Variants in CCDC60 observed in about 807,000 individuals in gnomAD.
CCDC60 encodes coiled-coil domain-containing protein 60.
A neutral mutation model predicts 63.5 loss-of-function variants in CCDC60; 54 were observed. That is an observed-to-expected ratio of 0.85 (90% CI 0.68 to 1.07). The LOEUF (loss-of-function observed/expected upper bound fraction) is 1.07. Among genes scored for constraint, CCDC60 ranks in the 50% least tolerant of loss-of-function variants. CCDC60 has a pLI of 0.00. For missense variants in CCDC60, 651 were observed against 684.3 expected (o/e 0.95, Z 0.54); for synonymous variants, 206 against 238.8 (o/e 0.86, Z 1.27).
intron 1 of CCDC60, among the ~76,000 whole-genome samples, chr12:119,374,945 T>G (rs1385405453): frequency 6.6e-6 from 1 of 152,174 alleles, no homozygotes; most frequent in Non-Finnish European, 1.5e-5. Context: ...TTACTGTCAT[T>G]GCCATCTTGG....
intron 2 of CCDC60, among the ~76,000 whole-genome samples, chr12:119,471,263 T>C (rs708875): frequency 0.89 from 135,529 of 152,250 alleles, 60,715 homozygotes; most frequent in East Asian, 1. Flanking sequence ...ACATATGTTA[T>C]TTGACACAGC....
chr12:119,442,642 A>T (rs959917117), intron 2 of CCDC60, among the ~76,000 whole-genome samples: 2 of 152,254 alleles, frequency 1.3e-5, no homozygotes, highest in Admixed American at 6.5e-5. Context: ...CGAAAATAAC[A>T]TTATTATATC....
At chr12:119,524,553 C>A in intron 11 of CCDC60, 2 of 562,138 alleles carry the variant, frequency 3.6e-6, no homozygotes, top group Non-Finnish European at 2.3e-6. Context: ...CTTCTGGGAG[C>A]TAACAGTCCA....
intron 2 of CCDC60, among the ~76,000 whole-genome samples, chr12:119,432,673 C>T (rs1331220049): frequency 6.6e-6 from 1 of 152,120 alleles, no homozygotes; most frequent in Admixed American, 6.5e-5. Flanking sequence ...CTAAGGAGGG[C>T]GACAAAGCAG....
chr12:119,380,442 T>C (rs890865244), intron 1 of CCDC60, among the ~76,000 whole-genome samples: 1 of 152,200 alleles, frequency 6.6e-6, no homozygotes, highest in African/African-American at 2.4e-5. Context: ...GGGAAATGAA[T>C]ATCAAGAAAG....
At chr12:119,483,434 A>C (rs970210991) in intron 4 of CCDC60, among the ~76,000 whole-genome samples, 3 of 152,204 alleles carry the variant, frequency 2.0e-5, no homozygotes, top group Non-Finnish European at 4.4e-5. Flanking sequence ...TATCTTTAAA[A>C]AGGGAAGGGA....
At chr12:119,411,262 AT>A in intron 1 of CCDC60, among the ~76,000 whole-genome samples, 1 of 152,274 alleles carries the variant, frequency 6.6e-6, no homozygotes, top group Non-Finnish European at 1.5e-5. Flanking sequence ...TCTGTAAGAC[AT>A]TTTTCCCCCA....
At chr12:119,352,503 G>C (rs1955666321) in intron 1 of CCDC60, among the ~76,000 whole-genome samples, 1 of 152,190 alleles carries the variant, frequency 6.6e-6, no homozygotes, top group East Asian at 1.9e-4. Flanking sequence ...ATAAGATGTT[G>C]CACTGCTAAT....
intron 1 of CCDC60, among the ~76,000 whole-genome samples, chr12:119,412,399 T>G (rs1050206987): frequency 2.0e-5 from 3 of 152,204 alleles, no homozygotes; most frequent in African/African-American, 7.2e-5. Context: ...AGAAAACGGA[T>G]GGAAGCCACT....
Position 119,457,697 on chromosome 12 carries a change from A to T in CCDC60, c.171-14297A>T, listed in dbSNP as rs567522964. On this transcript the variant is annotated intron_variant, in intron 2 of 13. Transcript: ENST00000327554. Reference sequence around the variant, plus strand: ...AGCTTTAATTTGCATGCTGACAAAGATATTAACTTGGTGGTTGGCGGGGGG... The same window carrying T: ...AGCTTTAATTTGCATGCTGACAAAGTTATTAACTTGGTGGTTGGCGGGGGG... Among the ~76,000 whole-genome samples, 3 of 150,866 alleles carry T rather than the reference A, an allele frequency of 2.0e-5. No individual in the cohort carries two copies. The East Asian group carries it at 6.0e-4, about 30-fold the overall frequency.
In CCDC60 at chr12:119,386,383, G is replaced by T. The variant is rs1470775693; in HGVS notation, c.91-42300G>T. The stretch of plus-strand genomic sequence containing the variant: ...ATACCCTTAGAGAAGCATCATTTTT[G>T]ATTTCTGAAAACCAATATTTTTCCT... On this transcript the variant is annotated intron_variant, in intron 1 of 13. Coordinates refer to ENST00000327554, the MANE Select transcript of CCDC60 (RefSeq NM_178499.5). Among the ~76,000 whole-genome samples the T allele has an allele frequency of 7.2e-5, 11 of 152,044 alleles. No homozygotes were observed. In the East Asian group the frequency reaches 1.4e-3, roughly 19 times the overall value.
chr12:119,471,069 A>G lies in CCDC60; in HGVS notation c.171-925A>G, dbSNP rs376312950. On this transcript the variant is annotated intron_variant, in intron 2 of 13. Transcript: ENST00000327554. ...TGGGCAGACAGAAAGAAACATGTAG[A>G]CACCTCTGCATCACTCCTTCTCCAC... Among the ~76,000 whole-genome samples, 21 of 152,318 alleles carry G rather than the reference A, an allele frequency of 1.4e-4. No homozygotes were observed. In the South Asian group the frequency reaches 4.1e-3, roughly 30 times the overall value.
intron 13 of CCDC60, among the ~76,000 whole-genome samples, chr12:119,535,460 T>C (rs1952974737): frequency 1.3e-5 from 2 of 152,220 alleles, no homozygotes; most frequent in African/African-American, 4.8e-5. Context: ...CTGCTAGTTT[T>C]GAATTTGTTT....
intron 4 of CCDC60, among the ~76,000 whole-genome samples, chr12:119,484,634 G>C (rs1045565902): frequency 6.6e-6 from 1 of 151,998 alleles, no homozygotes; most frequent in Non-Finnish European, 1.5e-5. Context: ...GATCGCTTGT[G>C]CCCAGGAGGC....
At chr12:119,533,107 A>G (rs953143407) in intron 13 of CCDC60, among the ~76,000 whole-genome samples, 2 of 152,168 alleles carry the variant, frequency 1.3e-5, no homozygotes, top group African/African-American at 4.8e-5. Flanking sequence ...AATGATCGTC[A>G]TTCTAACTGG....
intron 1 of CCDC60, among the ~76,000 whole-genome samples, chr12:119,385,292 G>A (rs1956048966): frequency 6.6e-6 from 1 of 152,172 alleles, no homozygotes; most frequent in South Asian, 2.1e-4. Context: ...AGAAAGCACT[G>A]CTGGGAGATC....
intron 1 of CCDC60, among the ~76,000 whole-genome samples, chr12:119,424,843 A>G (rs1956874169): frequency 6.6e-6 from 1 of 152,148 alleles, no homozygotes. Context: ...TTTCCTGAGA[A>G]TCCATTGAAA....
intron 1 of CCDC60, among the ~76,000 whole-genome samples, chr12:119,394,504 GC>G (rs1287671715): frequency 6.6e-6 from 1 of 152,114 alleles, no homozygotes; most frequent in African/African-American, 2.4e-5. Flanking sequence ...ACCTCTCACT[GC>G]CCCCCAGGCA....
chr12:119,455,688 ACTGCACT>A (rs1950714900), intron 2 of CCDC60, among the ~76,000 whole-genome samples: 1 of 151,820 alleles, frequency 6.6e-6, no homozygotes, highest in South Asian at 2.1e-4. Context: ...TGATGGCACC[ACTGCACT>A]CCAGTATGGA....
Sources: gnomAD v4.1 joint callset for allele counts (sites outside exome capture counted in the v4.1 genomes callset) on GRCh38, gnomAD v4.1.1 for gene constraint, MANE v1.5 for transcripts, NCBI Gene and HGNC (gene_info 2026-07-23, HGNC 2026-07-21) for gene names.